MAN1A2: variants seen among roughly 807,000 people sequenced by gnomAD.
The protein encoded by MAN1A2 is mannosyl-oligosaccharide 1,2-alpha-mannosidase IB.
Under a neutral mutation model 75.7 loss-of-function variants are expected in MAN1A2, and 26 were observed. The ratio of observed to expected loss-of-function variants is 0.34; its 90% CI spans 0.25 to 0.48. The LOEUF (loss-of-function observed/expected upper bound fraction) is 0.48, where lower values mean the gene tolerates loss of function less well. Ranked by LOEUF, MAN1A2 falls within the 20% of genes least tolerant of loss-of-function variation. MAN1A2 has a pLI of 0.99. For missense variants in MAN1A2, 562 were observed against 775.5 expected (o/e 0.72, Z 3.27); for synonymous variants, 247 against 264.6 (o/e 0.93, Z 0.65).
intron 4 of MAN1A2, among the ~76,000 whole-genome samples, chr1:117,418,009 G>A (rs1648064467): frequency 6.6e-6 from 1 of 151,972 alleles, no homozygotes; most frequent in South Asian, 2.1e-4. Context: ...TCATGCTACT[G>A]TACTCTAGCC....
intron 8 of MAN1A2, among the ~76,000 whole-genome samples, chr1:117,468,000 A>T (rs1291915422): frequency 1.3e-5 from 2 of 152,148 alleles, no homozygotes; most frequent in Non-Finnish European, 2.9e-5. Context: ...CTACAAAAAA[A>T]AGATGTCAGT....
rs143832564 is a variant in MAN1A2 at position 117,414,299 on chromosome 1, G to A, written c.656-414G>A. 7.2e-4 allele frequency among the ~76,000 whole-genome samples: 109 copies of A among 150,800 alleles called. 1 individual carries two copies. Among genetic ancestry groups the A allele is most frequent in the African/African-American group, 2.6e-3 (108 of 41,290 alleles). On this transcript the variant is annotated intron_variant, in intron 3 of 12. Coordinates refer to ENST00000356554, the MANE Select transcript of MAN1A2 (RefSeq NM_006699.5). ...TGGACCAGACCAGAAGGACATGGTTGTCTTATTACTTAGCTTTGTCATTGT... is the reference window on the plus strand; with the variant it reads ...TGGACCAGACCAGAAGGACATGGTTATCTTATTACTTAGCTTTGTCATTGT...
At chr1:117,501,959 G>A (rs1651214588) in intron 11 of MAN1A2, among the ~76,000 whole-genome samples, 1 of 151,812 alleles carries the variant, frequency 6.6e-6, no homozygotes, top group South Asian at 2.1e-4. Context: ...ATTCTGGACT[G>A]TGCTGTACCT....
At chr1:117,460,242 C>G (rs527815383) in intron 6 of MAN1A2, among the ~76,000 whole-genome samples, 1 of 152,020 alleles carries the variant, frequency 6.6e-6, no homozygotes, top group Admixed American at 6.6e-5. Flanking sequence ...TTCTGTGGAG[C>G]CTGATGAGGT....
intron 1 of MAN1A2, among the ~76,000 whole-genome samples, chr1:117,383,746 A>AAC (rs1653429655): frequency 1.3e-5 from 2 of 151,686 alleles, no homozygotes; most frequent in African/African-American, 2.4e-5. Context: ...ATATTCTTTA[A>AAC]AAATTTTTTT....
intron 4 of MAN1A2, among the ~76,000 whole-genome samples, chr1:117,417,706 A>ACACT (rs1553232820): frequency 4.9e-4 from 70 of 143,548 alleles, no homozygotes; most frequent in African/African-American, 1.0e-3. Context: ...ACACACACAC[A>ACACT]CTCTCTCTCT....
At chr1:117,402,037 ATG>A (rs1270653314) in intron 1 of MAN1A2, 147 bp from the exon 2 acceptor site, 1 of 676,732 alleles carries the variant, frequency 1.5e-6, no homozygotes, top group Admixed American at 3.2e-5. Context: ...CCAGATCTGA[ATG>A]TGTCTCACTG....
chr1:117,486,062 G>T (rs1235083045), intron 8 of MAN1A2, among the ~76,000 whole-genome samples: 1 of 151,954 alleles, frequency 6.6e-6, no homozygotes, highest in African/African-American at 2.4e-5. Context: ...AATAATGGTT[G>T]ACTACTACAG....
rs1651956537 is a variant in MAN1A2 at position 117,524,668 on chromosome 1, T to C, written c.*1711T>C. On this transcript the variant is annotated 3_prime_UTR_variant, in exon 13 of 13. Coordinates refer to ENST00000356554, the MANE Select transcript of MAN1A2 (RefSeq NM_006699.5). Reference sequence around the variant, plus strand: ...ACCACGAATCGTTAATTTTGACAGTTCTACTGATCCGTAAATGATAACCAC... The same window carrying C: ...ACCACGAATCGTTAATTTTGACAGTCCTACTGATCCGTAAATGATAACCAC... 6.5e-6 allele frequency: 1 copy of C among 153,046 alleles called. No individual in the cohort carries two copies. Among genetic ancestry groups the C allele is most frequent in the Non-Finnish European group, 1.5e-5 (1 of 68,618 alleles). The allele number at this position is 153,046 out of a possible 1,614,324, so 9.5% of individuals were successfully genotyped here.
chr1:117,454,866 A>G, intron 6 of MAN1A2, among the ~76,000 whole-genome samples: 1 of 152,282 alleles, frequency 6.6e-6, no homozygotes, highest in Admixed American at 6.5e-5. Context: ...GGTATAATAT[A>G]TAAAGGTCTA....
At chr1:117,431,186 G>A (rs1463725900) in intron 5 of MAN1A2, among the ~76,000 whole-genome samples, 1 of 106,772 alleles carries the variant, frequency 9.4e-6, no homozygotes, top group African/African-American at 3.6e-5. Context: ...GAGGGAGACC[G>A]TGGGGAGAGG....
In MAN1A2 at chr1:117,422,253, A is replaced by G. The variant is rs186734680; in HGVS notation, c.855+1604A>G. Among the ~76,000 whole-genome samples, 351 of 152,162 alleles carry G rather than the reference A, an allele frequency of 2.3e-3. 5 individuals are homozygous for G. Among genetic ancestry groups the G allele is most frequent in the African/African-American group, 7.9e-3 (329 of 41,556 alleles). On this transcript the variant is annotated intron_variant, in intron 5 of 12. Coordinates refer to ENST00000356554, the MANE Select transcript of MAN1A2 (RefSeq NM_006699.5). ...AATTACTGATCTCTTTTCTGTCTCT[A>G]CAGTTAAGAATGCTGGCTTCTTTTA...
chr1:117,506,365 A>G (rs1013195723), intron 12 of MAN1A2, among the ~76,000 whole-genome samples: 2 of 151,590 alleles, frequency 1.3e-5, no homozygotes, highest in African/African-American at 4.8e-5. Context: ...TTTACCTTTT[A>G]CATGTGTCAT....
In MAN1A2 at chr1:117,526,974, G is replaced by C. The variant is rs1652048091; in HGVS notation, c.*4017G>C. ...ATGTATATAAATACAATTATACACAGATAATTTTTAATACTCTTTGTTAAC... is the reference window on the plus strand; with the variant it reads ...ATGTATATAAATACAATTATACACACATAATTTTTAATACTCTTTGTTAAC... On this transcript the variant is annotated 3_prime_UTR_variant, in exon 13 of 13. Coordinates refer to ENST00000356554, the MANE Select transcript of MAN1A2 (RefSeq NM_006699.5). 7.3e-6 allele frequency: 1 copy of C among 137,428 alleles called. No homozygotes were observed. The highest frequency in any genetic ancestry group is 2.5e-5 in the African/African-American group (1 of 39,952). The allele number at this position is 137,428 out of a possible 1,614,324, so 8.5% of individuals were successfully genotyped here. A position where few individuals can be genotyped will look rare whatever the true frequency, so the allele number is the denominator to read the frequency against.
intron 5 of MAN1A2, among the ~76,000 whole-genome samples, chr1:117,437,773 C>T (rs989179831): frequency 1.3e-5 from 2 of 152,126 alleles, no homozygotes; most frequent in African/African-American, 4.8e-5. Context: ...TCATCATCAC[C>T]ATCATTATCC....
chr1:117,431,251 A>T (rs2101798553), intron 5 of MAN1A2, among the ~76,000 whole-genome samples: 1 of 144,552 alleles, frequency 6.9e-6, no homozygotes, highest in Non-Finnish European at 1.5e-5. Flanking sequence ...TTCATAATGA[A>T]AAAAAGGATC....
At chr1:117,435,350 A>C (rs539742146) in intron 5 of MAN1A2, among the ~76,000 whole-genome samples, 1 of 152,334 alleles carries the variant, frequency 6.6e-6, no homozygotes, top group East Asian at 1.9e-4. Flanking sequence ...GGGAGATTAT[A>C]GGATTATTGA....
chr1:117,446,477 T>G (rs944002923), intron 6 of MAN1A2, among the ~76,000 whole-genome samples: 1 of 152,102 alleles, frequency 6.6e-6, no homozygotes, highest in African/African-American at 2.4e-5. Flanking sequence ...TCCAGAAATT[T>G]TGATTTTTTT....
chr1:117,450,114 T>C (rs963947233), intron 6 of MAN1A2, among the ~76,000 whole-genome samples: 1 of 152,202 alleles, frequency 6.6e-6, no homozygotes. Context: ...CCTTGAGACT[T>C]GTTGAATGGC....
Sources: gnomAD v4.1 joint callset for allele counts (sites outside exome capture counted in the v4.1 genomes callset) on GRCh38, gnomAD v4.1.1 for gene constraint, MANE v1.5 for transcripts, NCBI Gene and HGNC (gene_info 2026-07-23, HGNC 2026-07-21) for gene names.